The following ADCY3 variants were observed in gnomAD, a reference collection of about 807,000 sequenced individuals.
ADCY3 encodes the protein adenylate cyclase 3.
In ADCY3, 70 loss-of-function variants were observed where a neutral mutation model predicts 119.4. That is an observed-to-expected ratio of 0.59 (90% CI 0.48 to 0.72). The LOEUF (loss-of-function observed/expected upper bound fraction) is 0.72. Among genes scored for constraint, ADCY3 ranks in the 30% least tolerant of loss-of-function variants. The pLI is 0.00. For synonymous variants in ADCY3, 672 were observed against 621.4 expected, an observed-to-expected ratio of 1.08 and a Z score of -1.21; for missense variants, 1,238 against 1,541.6, an observed-to-expected ratio of 0.80 and a Z score of 3.30.
intron 2 of ADCY3, among the ~76,000 whole-genome samples, chr2:24,884,020 C>CT (rs534688560): frequency 9.5e-4 from 144 of 152,318 alleles, no homozygotes; most frequent in Middle Eastern, 3.4e-3. Flanking sequence ...TTTGATACAT[C>CT]TTTTTTCTCC....
intron 3 of ADCY3, among the ~76,000 whole-genome samples, chr2:24,868,815 G>C (rs1307184433): frequency 6.6e-6 from 1 of 151,486 alleles, no homozygotes; most frequent in African/African-American, 2.4e-5. Flanking sequence ...AGGAGATGGA[G>C]ACCATCCTGG....
chr2:24,894,566 A>C (rs1678046205), intron 2 of ADCY3, among the ~76,000 whole-genome samples: 1 of 152,190 alleles, frequency 6.6e-6, no homozygotes, highest in African/African-American at 2.4e-5. Context: ...TATTTTTGTC[A>C]TACATTTTGC....
chr2:24,841,395 G>C lies in ADCY3; in HGVS notation c.1069-9C>G, dbSNP rs763675986. ...CGCAGCTGGTGGTATTTCTGAAAGG[G>C]GAGGGCCTGGCCTGTGCTCCAGCCC... On this transcript the variant is annotated splice_polypyrimidine_tract_variant and intron_variant, in intron 5 of 21. Coordinates refer to ENST00000679454, the MANE Select transcript of ADCY3 (RefSeq NM_004036.5). The surrounding 1 kb of genome is among the most constrained non-coding windows in gnomAD (Gnocchi z 5.8). 1.2e-6 allele frequency: 2 copies of C among 1,610,762 alleles called. No homozygotes were observed.
At chr2:24,863,510 T>C (rs952703070) in intron 3 of ADCY3, among the ~76,000 whole-genome samples, 2 of 152,162 alleles carry the variant, frequency 1.3e-5, no homozygotes, top group Non-Finnish European at 2.9e-5. Context: ...TAGATATCTA[T>C]TCCATTAGTT....
chr2:24,886,827 G>A (rs1677082465), intron 2 of ADCY3, among the ~76,000 whole-genome samples: 1 of 152,204 alleles, frequency 6.6e-6, no homozygotes, highest in Non-Finnish European at 1.5e-5. Context: ...AGGCTGCCAT[G>A]TGCCCTGAGT....
At chr2:24,863,685 CCT>C (rs1275152541) in intron 3 of ADCY3, among the ~76,000 whole-genome samples, 4 of 152,220 alleles carry the variant, frequency 2.6e-5, no homozygotes, top group African/African-American at 9.7e-5. Flanking sequence ...ACTATGCCAA[CCT>C]CTTTTTTATT....
At chr2:24,824,042 C>T (rs1003798566) in intron 17 of ADCY3, among the ~76,000 whole-genome samples, 1 of 152,238 alleles carries the variant, frequency 6.6e-6, no homozygotes, top group Non-Finnish European at 1.5e-5. Flanking sequence ...CCTCTAACAG[C>T]CCCAGCTGTG....
chr2:24,872,818 C>G lies in ADCY3; in HGVS notation c.676-99G>C. 7.0e-7 allele frequency: 1 copy of G among 1,436,354 alleles called. No individual in the cohort carries two copies. The highest frequency in any genetic ancestry group is 9.5e-7 in the Non-Finnish European group (1 of 1,054,350). The allele number at this position is 1,436,354 out of a possible 1,614,324, so 89.0% of individuals were successfully genotyped here. The stretch of plus-strand genomic sequence containing the variant: ...ATGGAGGAGGTGGGGTGGGTGGTGA[C>G]CAAAATCAAACCTCAAGTTGCCCAA... On this transcript the variant is annotated intron_variant, in intron 2 of 21. Transcript: ENST00000679454. The surrounding 1 kb of genome is among the most constrained non-coding windows in gnomAD (Gnocchi z 4.4).
chr2:24,832,407 G>A (rs1309099604), intron 11 of ADCY3, among the ~76,000 whole-genome samples: 2 of 152,116 alleles, frequency 1.3e-5, no homozygotes, highest in African/African-American at 2.4e-5. Flanking sequence ...GCTGCCGGGG[G>A]CTAAGAGTCT....
In ADCY3 at chr2:24,842,500, T is replaced by C. The variant is rs571754930; in HGVS notation, c.826-116A>G. On this transcript the variant is annotated intron_variant, in intron 3 of 21. Transcript: ENST00000679454. The surrounding 1 kb of genome is among the most constrained non-coding windows in gnomAD (Gnocchi z 4.9). ...AAGAAACGTGAGCAGGGAACCATGC[T>C]GCCCTCCAGAGAGACCTCACAGATC... 5.8e-5 allele frequency: 79 copies of C among 1,364,376 alleles called. No homozygotes were observed. The Admixed American group carries it at 1.6e-3, about 28-fold the overall frequency. The allele number at this position is 1,364,376 out of a possible 1,614,324, so 84.5% of individuals were successfully genotyped here. A position where few individuals can be genotyped will look rare whatever the true frequency, so the allele number is the denominator to read the frequency against.
chr2:24,878,027 A>G lies in ADCY3; in HGVS notation c.676-5308T>C. On this transcript the variant is annotated intron_variant, in intron 2 of 21. Coordinates refer to ENST00000679454, the MANE Select transcript of ADCY3 (RefSeq NM_004036.5). The surrounding 1 kb of genome is among the most constrained non-coding windows in gnomAD (Gnocchi z 4.0). ...CAGCACGATCAGGCTCTGTGGTGAC[A>G]GAGGTCCACAGCCCCTGGGGTCTCT... The G allele has an allele frequency of 2.2e-6, 1 of 460,078 alleles. No homozygotes were observed. The highest frequency in any genetic ancestry group is 1.6e-5 in the South Asian group (1 of 63,236). 28.5% of individuals were successfully genotyped at this position (460,078 alleles called of 1,614,324 possible).
At chr2:24,897,601 G>A (rs1678430667) in intron 2 of ADCY3, among the ~76,000 whole-genome samples, 1 of 152,274 alleles carries the variant, frequency 6.6e-6, no homozygotes, top group East Asian at 1.9e-4. Context: ...CTACCATCAC[G>A]ATGTCACATG....
Position 24,870,377 on chromosome 2 carries a change from G to A in ADCY3, c.825+2193C>T, listed in dbSNP as rs540425470. 5.9e-5 allele frequency among the ~76,000 whole-genome samples: 9 copies of A among 151,750 alleles called. No homozygotes were observed. In the East Asian group the frequency reaches 1.7e-3, roughly 29 times the overall value. ...AAATCTCTCAAAAGTTTTACATATG[G>A]GGATACTGAAGTCCAAAGAGGGGCA... On this transcript the variant is annotated intron_variant, in intron 3 of 21. Coordinates refer to ENST00000679454, the MANE Select transcript of ADCY3 (RefSeq NM_004036.5).
intron 2 of ADCY3, among the ~76,000 whole-genome samples, chr2:24,877,198 G>A (rs931270017): frequency 1.3e-5 from 2 of 152,218 alleles, no homozygotes; most frequent in Non-Finnish European, 2.9e-5. Context: ...GCCCATCCTG[G>A]CCCCATCCAG....
chr2:24,852,281 G>A (rs754773970), intron 3 of ADCY3, among the ~76,000 whole-genome samples: 9 of 152,320 alleles, frequency 5.9e-5, no homozygotes, highest in East Asian at 3.9e-4. Flanking sequence ...CTGTCCCCAC[G>A]GCATCTGATG....
intron 2 of ADCY3, among the ~76,000 whole-genome samples, chr2:24,892,639 T>C (rs1171771296): frequency 1.3e-5 from 2 of 152,228 alleles, no homozygotes; most frequent in Non-Finnish European, 2.9e-5. Context: ...CTCTAGTTCT[T>C]GGGTGCAGGG....
intron 2 of ADCY3, among the ~76,000 whole-genome samples, chr2:24,887,167 A>G (rs940832083): frequency 6.6e-6 from 1 of 152,218 alleles, no homozygotes; most frequent in Admixed American, 6.5e-5. Flanking sequence ...TCCTTCACAA[A>G]GCAGCAGGAA....
intron 2 of ADCY3, among the ~76,000 whole-genome samples, chr2:24,892,127 T>A (rs1677725150): frequency 6.6e-6 from 1 of 152,230 alleles, no homozygotes; most frequent in Non-Finnish European, 1.5e-5. Flanking sequence ...ATTTTTTTCC[T>A]TCCTTTAGGC....
rs777104490 is a variant in ADCY3 at position 24,841,694 on chromosome 2, G to A, written c.957-27C>T. The A allele has an allele frequency of 2.5e-6, 4 of 1,582,826 alleles. No individual in the cohort carries two copies. In the South Asian group the frequency reaches 4.5e-5, roughly 18 times the overall value. ...TGCATGAGGAAGGAACCGTGGGGGT[G>A]ACGCTCCAGGCAGCCAGGTGTACCC... is the stretch of plus-strand genomic sequence containing the variant. On this transcript the variant is annotated intron_variant, in intron 4 of 21. Transcript: ENST00000679454. The surrounding 1 kb of genome is among the most constrained non-coding windows in gnomAD (Gnocchi z 5.8).
Sources: allele counts gnomAD v4.1 joint callset (sites outside exome capture counted in the v4.1 genomes callset), GRCh38; gene constraint gnomAD v4.1.1; non-coding constraint Gnocchi (gnomAD v3.1); transcripts MANE v1.5; gene names NCBI Gene and HGNC (gene_info 2026-07-23, HGNC 2026-07-21).